HOMER2: variants seen among roughly 807,000 people sequenced by gnomAD.
HOMER2 encodes homer scaffold protein 2, also known as homer protein homolog 2.
HOMER2 carries 27 observed loss-of-function variants against 47.0 expected under a neutral mutation model. The observed-to-expected ratio is 0.57, with a 90% CI of 0.42 to 0.79. The LOEUF is 0.79. HOMER2 is among the 30% of genes least tolerant of loss of function. The pLI, the probability that HOMER2 is intolerant of heterozygous loss-of-function variation, is 0.00. For missense variants in HOMER2, 443 were observed against 435.0 expected, an observed-to-expected ratio of 1.02 and a Z score of -0.16; for synonymous variants, 161 against 163.8, an observed-to-expected ratio of 0.98 and a Z score of 0.13.
At chr15:82,969,935 T>C (rs1342479321) in intron 1 of HOMER2, among the ~76,000 whole-genome samples, 1 of 152,088 alleles carries the variant, frequency 6.6e-6, no homozygotes, top group Admixed American at 6.6e-5. Flanking sequence ...GCCACACCCA[T>C]GGAATAAATG....
At chr15:82,939,262 C>T (rs971347508) in intron 1 of HOMER2, among the ~76,000 whole-genome samples, 4 of 152,186 alleles carry the variant, frequency 2.6e-5, no homozygotes, top group Non-Finnish European at 5.9e-5. Context: ...GAAACATACA[C>T]GTCAATGGTA....
At chr15:82,971,415 T>TAA (rs1555433165) in intron 1 of HOMER2, among the ~76,000 whole-genome samples, 2 of 148,340 alleles carry the variant, frequency 1.3e-5, no homozygotes, top group Admixed American at 1.4e-4. Context: ...GACAGATACA[T>TAA]ACACACACAC....
chr15:82,939,107 A>T (rs1451141475), intron 1 of HOMER2, among the ~76,000 whole-genome samples: 1 of 152,188 alleles, frequency 6.6e-6, no homozygotes, highest in Non-Finnish European at 1.5e-5. Context: ...GTTAGAGCTG[A>T]ATTTATACTT....
At chr15:82,847,708 C>G (rs1237478994), downstream of HOMER2, among the ~76,000 whole-genome samples, 1 of 152,256 alleles carries the variant, frequency 6.6e-6, no homozygotes. Context: ...CTGATAAAGG[C>G]AGAGGTCATC....
intron 1 of HOMER2, among the ~76,000 whole-genome samples, chr15:82,950,640 T>C (rs1014702284): frequency 2.0e-5 from 3 of 152,230 alleles, no homozygotes; most frequent in African/African-American, 4.8e-5. Context: ...CATGGATCTA[T>C]TAAAAATGGC....
intron 3 of HOMER2, among the ~76,000 whole-genome samples, chr15:82,871,794 G>A (rs1305629033): frequency 6.6e-6 from 1 of 152,226 alleles, no homozygotes; most frequent in East Asian, 1.9e-4. Flanking sequence ...GGTCTCTTCA[G>A]TTCTCAGAGA....
intron 1 of HOMER2, among the ~76,000 whole-genome samples, chr15:82,972,059 T>A (rs186392416): frequency 1.1e-3 from 163 of 152,338 alleles, no homozygotes; most frequent in African/African-American, 3.8e-3. Context: ...ATAATTTACC[T>A]ACCATAAAAT....
chr15:82,937,594 T>A (rs2054169925), intron 1 of HOMER2, among the ~76,000 whole-genome samples: 1 of 152,214 alleles, frequency 6.6e-6, no homozygotes, highest in Admixed American at 6.5e-5. Flanking sequence ...AACTTACAGA[T>A]CTCATTACTC....
chr15:82,977,538 G>C (rs2030247711), intron 1 of HOMER2, among the ~76,000 whole-genome samples: 4 of 146,206 alleles, frequency 2.7e-5, no homozygotes, highest in Admixed American at 2.1e-4. Flanking sequence ...TAGAGCTGGA[G>C]GAGACCTTAG....
chr15:82,892,593 A>G, intron 2 of HOMER2, 92 bp downstream of exon 2: 1 of 988,422 alleles, frequency 1.0e-6, no homozygotes, highest in South Asian at 2.9e-5. Flanking sequence ...CATTATAACA[A>G]TAACTTATGT....
chr15:82,981,588 T>C (rs2030398783), intron 1 of HOMER2, among the ~76,000 whole-genome samples: 3 of 152,196 alleles, frequency 2.0e-5, no homozygotes, highest in Admixed American at 1.3e-4. Context: ...TTATTCACAA[T>C]AGCCAAAAGG....
At chr15:82,953,640 G>A (rs1160737938), upstream of HOMER2, among the ~76,000 whole-genome samples, 8 of 152,188 alleles carry the variant, frequency 5.3e-5, no homozygotes, top group African/African-American at 1.9e-4. Flanking sequence ...TTGGGAGGCC[G>A]AGGCGGGCGA....
chr15:82,873,873 ACCT>A (rs2052257830), intron 3 of HOMER2, among the ~76,000 whole-genome samples: 1 of 151,876 alleles, frequency 6.6e-6, no homozygotes, highest in Admixed American at 6.6e-5. Flanking sequence ...TGCGCTGGGG[ACCT>A]CCTTAGAAGT....
intron 1 of HOMER2, among the ~76,000 whole-genome samples, chr15:82,934,054 T>A (rs1487897133): frequency 6.6e-6 from 1 of 152,150 alleles, no homozygotes; most frequent in African/African-American, 2.4e-5. Flanking sequence ...TCAGCATCCC[T>A]GGCCAGAACA....
chr15:82,879,244 C>T (rs1457344860), intron 2 of HOMER2, among the ~76,000 whole-genome samples: 1 of 152,114 alleles, frequency 6.6e-6, no homozygotes, highest in African/African-American at 2.4e-5. Flanking sequence ...GCCTGTAATC[C>T]CAGCACTTTG....
At chr15:82,868,558 T>TTC (rs2052069492) in intron 3 of HOMER2, among the ~76,000 whole-genome samples, 7 of 124,864 alleles carry the variant, frequency 5.6e-5, no homozygotes, top group Non-Finnish European at 8.4e-5. Context: ...TTTTTTTTTT[T>TTC]CCCCTTTTGA....
chr15:82,856,103 C>T (rs1364095013), intron 5 of HOMER2, among the ~76,000 whole-genome samples: 2 of 152,196 alleles, frequency 1.3e-5, no homozygotes, highest in East Asian at 3.8e-4. Context: ...AAAATATGTA[C>T]TTTCACTTTC....
intron 1 of HOMER2, among the ~76,000 whole-genome samples, chr15:82,946,401 G>A (rs903907183): frequency 5.3e-5 from 8 of 152,040 alleles, no homozygotes; most frequent in Non-Finnish European, 1.2e-4. Context: ...CTTCACCTTC[G>A]TGCTCTCTCT....
At chr15:82,876,314 A>G (rs767543580) in intron 2 of HOMER2, among the ~76,000 whole-genome samples, 4 of 152,252 alleles carry the variant, frequency 2.6e-5, no homozygotes, top group Non-Finnish European at 5.9e-5. Flanking sequence ...GATAATATCT[A>G]GCACATGGTA....
Sources: gnomAD v4.1 joint callset for allele counts (sites outside exome capture counted in the v4.1 genomes callset) on GRCh38, gnomAD v4.1.1 for gene constraint, MANE v1.5 for transcripts, NCBI Gene and HGNC (gene_info 2026-07-23, HGNC 2026-07-21) for gene names.